Variants in GALNTL6 observed in about 807,000 individuals in gnomAD.
GALNTL6 encodes polypeptide N-acetylgalactosaminyltransferase like 6.
GALNTL6 carries 46 observed loss-of-function variants against 73.7 expected under a neutral mutation model. That is an observed-to-expected ratio of 0.62 (90% CI 0.49 to 0.80). The LOEUF (loss-of-function observed/expected upper bound fraction) is 0.80. GALNTL6 is among the 30% of genes least tolerant of loss of function. The pLI is 0.00. For synonymous variants in GALNTL6, 259 were observed against 263.7 expected, an observed-to-expected ratio of 0.98 and a Z score of 0.17; for missense variants, 604 against 755.0, an observed-to-expected ratio of 0.80 and a Z score of 2.34.
intron 2 of GALNTL6, among the ~76,000 whole-genome samples, chr4:172,180,218 A>G (rs1437519609): frequency 1.3e-5 from 2 of 151,992 alleles, no homozygotes; most frequent in Non-Finnish European, 2.9e-5. Flanking sequence ...TTTTTTTCAT[A>G]CATTTGTTGG....
Position 171,851,304 on chromosome 4 carries a change from G to GTA in GALNTL6, c.138+36587_138+36588dup, listed in dbSNP as rs142002961. Among the ~76,000 whole-genome samples the GTA allele has an allele frequency of 1.6e-4, 25 of 152,144 alleles. No individual in the cohort carries two copies. The East Asian group carries it at 3.3e-3, about 20-fold the overall frequency. On this transcript the variant is annotated intron_variant, in intron 2 of 12. Coordinates refer to ENST00000506823, the MANE Select transcript of GALNTL6 (RefSeq NM_001034845.3). ...TCACTTCTTATTGTTTTCTCTTTTGGTAGAATCAGTCAAAAGAATATCATC... is the reference window on the plus strand; with the variant it reads ...TCACTTCTTATTGTTTTCTCTTTTGGTATAGAATCAGTCAAAAGAATATCATC...
At chr4:172,021,734 A>G (rs1741407492) in intron 2 of GALNTL6, among the ~76,000 whole-genome samples, 1 of 152,080 alleles carries the variant, frequency 6.6e-6, no homozygotes, top group South Asian at 2.1e-4. Context: ...TTTCTAGCAT[A>G]AAAACATATT....
chr4:172,792,944 T>G (rs892864088), intron 5 of GALNTL6, among the ~76,000 whole-genome samples: 5 of 152,140 alleles, frequency 3.3e-5, no homozygotes, highest in Admixed American at 6.6e-5. Context: ...AGTTCCAAGA[T>G]CTTCCCTTTC....
At chr4:172,057,727 A>T (rs7698014) in intron 2 of GALNTL6, among the ~76,000 whole-genome samples, 14,264 of 44,396 alleles carry the variant, frequency 0.32, 2,267 homozygotes, top group Non-Finnish European at 0.4. Context: ...AAAAAAAAAA[A>T]ATATATATAT....
At chr4:172,751,074 G>A (rs1043737765) in intron 5 of GALNTL6, among the ~76,000 whole-genome samples, 1 of 152,108 alleles carries the variant, frequency 6.6e-6, no homozygotes, top group Non-Finnish European at 1.5e-5. Flanking sequence ...ACATAATAAA[G>A]GGCTATTGTT....
intron 5 of GALNTL6, among the ~76,000 whole-genome samples, chr4:172,615,148 A>G (rs1738674766): frequency 6.6e-6 from 1 of 151,478 alleles, no homozygotes; most frequent in South Asian, 2.1e-4. Context: ...TCTAGGTAAT[A>G]CAAAGTCCCC....
chr4:172,516,008 A>T (rs1734594145), intron 5 of GALNTL6, among the ~76,000 whole-genome samples: 1 of 152,196 alleles, frequency 6.6e-6, no homozygotes. Flanking sequence ...ATGTTACATT[A>T]AGTCTTCTTC....
intron 2 of GALNTL6, among the ~76,000 whole-genome samples, chr4:171,961,257 C>T (rs1188087900): frequency 6.6e-6 from 1 of 152,132 alleles, no homozygotes; most frequent in Non-Finnish European, 1.5e-5. Flanking sequence ...CTTGGGTAAA[C>T]TGTCTTCATA....
chr4:172,539,490 CTT>C (rs1735472187), intron 5 of GALNTL6, among the ~76,000 whole-genome samples: 1 of 152,086 alleles, frequency 6.6e-6, no homozygotes, highest in South Asian at 2.1e-4. Flanking sequence ...ATATGTCTCT[CTT>C]TTTCTATTTC....
intron 5 of GALNTL6, among the ~76,000 whole-genome samples, chr4:172,358,712 G>A (rs552975332): frequency 6.6e-6 from 1 of 152,172 alleles, no homozygotes; most frequent in East Asian, 1.9e-4. Flanking sequence ...TCATGTAATT[G>A]TGATGAGGGA....
At chr4:172,140,682 A>G (rs1733777571) in intron 2 of GALNTL6, among the ~76,000 whole-genome samples, 1 of 152,044 alleles carries the variant, frequency 6.6e-6, no homozygotes, top group African/African-American at 2.4e-5. Flanking sequence ...CTAACTCTAA[A>G]TCTGCATCAA....
intron 2 of GALNTL6, among the ~76,000 whole-genome samples, chr4:171,842,940 T>C (rs1196352056): frequency 6.6e-6 from 1 of 152,162 alleles, no homozygotes; most frequent in African/African-American, 2.4e-5. Context: ...TGTTGCCTGT[T>C]CAACCATCCA....
rs554949256 is a variant in GALNTL6 at position 172,690,593 on chromosome 4, T to C, written c.554-118768T>C. 2.6e-5 allele frequency among the ~76,000 whole-genome samples: 4 copies of C among 152,280 alleles called. No homozygotes were observed. In the East Asian group the frequency reaches 7.7e-4, roughly 29 times the overall value. On this transcript the variant is annotated intron_variant, in intron 5 of 12. Coordinates refer to ENST00000506823, the MANE Select transcript of GALNTL6 (RefSeq NM_001034845.3). ...AAATCACTTCCAGTTGCAAAAACAA[T>C]GGAATTGACTCCTTTTCAGAAGAGG...
chr4:172,181,963 T>G (rs1395162436), intron 2 of GALNTL6, among the ~76,000 whole-genome samples: 1 of 152,036 alleles, frequency 6.6e-6, no homozygotes, highest in Non-Finnish European at 1.5e-5. Context: ...ATGATCCGCC[T>G]GACTCGGCCT....
In GALNTL6 at chr4:172,188,021, G is replaced by A. The variant is rs1735464806; in HGVS notation, c.139-41635G>A. ...ATTACAGAGGTGGGCTGGTGGCTTA[G>A]GCCAGTTCATCATTCAGAAAATAAA... On this transcript the variant is annotated intron_variant, in intron 2 of 12. Transcript: ENST00000506823. 2.0e-5 allele frequency among the ~76,000 whole-genome samples: 3 copies of A among 152,114 alleles called. No homozygotes were observed. The South Asian group carries it at 6.2e-4, about 32-fold the overall frequency.
intron 5 of GALNTL6, among the ~76,000 whole-genome samples, chr4:172,660,564 G>A (rs1655149685): frequency 6.6e-6 from 1 of 152,184 alleles, no homozygotes; most frequent in Admixed American, 6.5e-5. Context: ...GGCCTTTTTA[G>A]TACTGGCTAA....
Position 172,831,230 on chromosome 4 carries a change from G to A in GALNTL6, c.923+17507G>A, listed in dbSNP as rs540123120. On this transcript the variant is annotated intron_variant, in intron 7 of 12. Transcript: ENST00000506823. ...AGACACGGGCTTATTTATTTACCAC[G>A]CAAATATATGGGTGCTGGCTGTTCA... Among the ~76,000 whole-genome samples the A allele has an allele frequency of 9.6e-4, 136 of 142,162 alleles. 1 individual carries two copies. The highest frequency in any genetic ancestry group is 3.5e-3 in the African/African-American group (129 of 37,096). The allele number at this position is 142,162 out of a possible 152,430, so 93.3% of individuals were successfully genotyped here.
chr4:172,268,668 T>TG (rs1738534577), intron 3 of GALNTL6, among the ~76,000 whole-genome samples: 1 of 152,168 alleles, frequency 6.6e-6, no homozygotes, highest in Non-Finnish European at 1.5e-5. Context: ...ACACCCAGTG[T>TG]GAAGTCTCTG....
chr4:172,315,078 T>G (rs1044360119), intron 4 of GALNTL6, among the ~76,000 whole-genome samples: 3 of 152,208 alleles, frequency 2.0e-5, no homozygotes, highest in Non-Finnish European at 2.9e-5. Flanking sequence ...TCAGTCTTAC[T>G]TTTATCCAAA....
Sources: allele counts gnomAD v4.1 joint callset (sites outside exome capture counted in the v4.1 genomes callset), GRCh38; gene constraint gnomAD v4.1.1; transcripts MANE v1.5; gene names NCBI Gene and HGNC (gene_info 2026-07-23, HGNC 2026-07-21).